The following NTRK3 variants were observed in gnomAD, a reference collection of about 807,000 sequenced individuals.
NTRK3 encodes neurotrophic receptor tyrosine kinase 3.
Under a neutral mutation model 91.7 loss-of-function variants are expected in NTRK3, and 24 were observed. The observed-to-expected ratio is 0.26, with a 90% confidence interval of 0.19 to 0.37. The LOEUF (loss-of-function observed/expected upper bound fraction) is 0.37. Among genes scored for constraint, NTRK3 ranks in the 10% least tolerant of loss-of-function variants. The pLI, the probability that NTRK3 is intolerant of heterozygous loss-of-function variation, is 1.00. For synonymous variants in NTRK3, 483 were observed against 404.0 expected, an observed-to-expected ratio of 1.20 and a Z score of -2.34; for missense variants, 880 against 1,068.9, an observed-to-expected ratio of 0.82 and a Z score of 2.46.
intron 14 of NTRK3, among the ~76,000 whole-genome samples, chr15:88,005,125 C>T (rs2076395284): frequency 6.6e-6 from 1 of 152,172 alleles, no homozygotes; most frequent in African/African-American, 2.4e-5. Context: ...ATTTGGGTCT[C>T]TTTGCTCACT....
At chr15:88,158,909 C>T (rs573832515) in intron 5 of NTRK3, among the ~76,000 whole-genome samples, 9 of 152,258 alleles carry the variant, frequency 5.9e-5, no homozygotes, top group South Asian at 4.1e-4. Flanking sequence ...AAAAAAAAGA[C>T]GCAGAAAGCA....
chr15:88,111,465 G>T (rs148903257), intron 13 of NTRK3, among the ~76,000 whole-genome samples: 120 of 152,314 alleles, frequency 7.9e-4, no homozygotes, highest in African/African-American at 2.8e-3. Flanking sequence ...CTGATAAGAG[G>T]ACAGTATGAA....
intron 3 of NTRK3, among the ~76,000 whole-genome samples, chr15:88,196,036 C>T (rs1374478505): frequency 1.3e-5 from 2 of 152,128 alleles, no homozygotes; most frequent in African/African-American, 2.4e-5. Context: ...GTTATAAAGG[C>T]GAATTGGTGA....
chr15:88,165,019 T>C (rs2151461604), intron 5 of NTRK3, among the ~76,000 whole-genome samples: 1 of 151,684 alleles, frequency 6.6e-6, no homozygotes, highest in Admixed American at 6.6e-5. Context: ...GACCCTAGAG[T>C]CAACCCCCAT....
At chr15:87,929,512 C>G (rs1327429751) in intron 16 of NTRK3, 78 bp from the exon 17 acceptor site, 2 of 1,542,380 alleles carry the variant, frequency 1.3e-6, no homozygotes, top group Non-Finnish European at 1.8e-6. Flanking sequence ...GGGTCCCTGC[C>G]CTCTGGAATG....
chr15:88,010,015 A>G (rs1329322861), intron 14 of NTRK3, among the ~76,000 whole-genome samples: 1 of 152,238 alleles, frequency 6.6e-6, no homozygotes, highest in Non-Finnish European at 1.5e-5. Flanking sequence ...TTAGATGTCG[A>G]GCTTGCCCCC....
At chr15:87,875,821 A>G (rs557099433) in exon 19 of NTRK3, 2 of 232,294 alleles carry the variant, frequency 8.6e-6, no homozygotes, top group Admixed American at 1.1e-4. Context: ...AGACCCAGGA[A>G]GTGGGGTCTA....
At chr15:88,073,071 C>A (rs974006504) in intron 13 of NTRK3, among the ~76,000 whole-genome samples, 4 of 152,170 alleles carry the variant, frequency 2.6e-5, no homozygotes, top group African/African-American at 9.7e-5. Flanking sequence ...TGCTCTCATG[C>A]CTGACAGATC....
At chr15:88,115,459 C>T (rs1470862293) in intron 13 of NTRK3, among the ~76,000 whole-genome samples, 1 of 152,220 alleles carries the variant, frequency 6.6e-6, no homozygotes, top group East Asian at 1.9e-4. Flanking sequence ...GAAGGATTCA[C>T]TTTTGAAAGG....
intron 13 of NTRK3, among the ~76,000 whole-genome samples, chr15:88,067,418 A>G (rs1231160884): frequency 2.0e-5 from 3 of 152,292 alleles, no homozygotes; most frequent in African/African-American, 7.2e-5. Flanking sequence ...CTCTGTCTAT[A>G]GTATTTATCT....
At chr15:87,969,407 G>C (rs1183971943) in intron 14 of NTRK3, among the ~76,000 whole-genome samples, 2 of 152,114 alleles carry the variant, frequency 1.3e-5, no homozygotes, top group African/African-American at 4.8e-5. Flanking sequence ...GAATTTTCTT[G>C]ATTAAAATAA....
chr15:88,000,659 A>G (rs953783595), intron 14 of NTRK3, among the ~76,000 whole-genome samples: 1 of 152,204 alleles, frequency 6.6e-6, no homozygotes, highest in Non-Finnish European at 1.5e-5. Flanking sequence ...ACTGTTTGCA[A>G]GCTTTAACCA....
At chr15:88,179,719 A>T (rs1053153642) in intron 5 of NTRK3, among the ~76,000 whole-genome samples, 4 of 152,200 alleles carry the variant, frequency 2.6e-5, no homozygotes, top group African/African-American at 9.6e-5. Flanking sequence ...ATGCTGGTGG[A>T]GGAGATCTCA....
chr15:88,081,554 C>T (rs979453831), intron 13 of NTRK3, among the ~76,000 whole-genome samples: 2 of 152,210 alleles, frequency 1.3e-5, no homozygotes, highest in Admixed American at 6.5e-5. Flanking sequence ...GTGGGCTGGT[C>T]GTGGACACTC....
exon 19 of NTRK3, chr15:87,864,445 A>C (rs537249482): frequency 4.3e-6 from 1 of 230,444 alleles, no homozygotes; most frequent in East Asian, 6.1e-5. Context: ...TATCAGGTCA[A>C]ACTTTCTCTA....
chr15:87,865,275 A>C, exon 19 of NTRK3: 1 of 208,214 alleles, frequency 4.8e-6, no homozygotes, highest in Non-Finnish European at 9.8e-6. Context: ...AGAAAATTTT[A>C]CTTGCCAAGT....
intron 17 of NTRK3, among the ~76,000 whole-genome samples, chr15:87,891,735 A>G (rs772696582): frequency 1.3e-5 from 2 of 152,168 alleles, no homozygotes; most frequent in Non-Finnish European, 2.9e-5. Context: ...CTAACCTCCT[A>G]TTAATAGGCA....
intron 13 of NTRK3, among the ~76,000 whole-genome samples, chr15:88,069,284 G>A (rs72756168): frequency 0.028 from 4,251 of 152,312 alleles, 71 homozygotes; most frequent in Non-Finnish European, 0.042. Flanking sequence ...GAGGCTGTAT[G>A]AGCTCATGGT....
At chr15:88,229,527 C>T (rs1195733164) in intron 3 of NTRK3, among the ~76,000 whole-genome samples, 1 of 152,152 alleles carries the variant, frequency 6.6e-6, no homozygotes, top group African/African-American at 2.4e-5. Flanking sequence ...TCACTCCCAT[C>T]CAAAAGAAGA....
Sources: gnomAD v4.1 joint callset for allele counts (sites outside exome capture counted in the v4.1 genomes callset) on GRCh38, gnomAD v4.1.1 for gene constraint, MANE v1.5 for transcripts, NCBI Gene and HGNC (gene_info 2026-07-23, HGNC 2026-07-21) for gene names.